ICE1: variants seen among roughly 807,000 people sequenced by gnomAD.
ICE1 encodes interactor of little elongation complex ELL subunit 1, also known as little elongation complex subunit 1.
Under a neutral mutation model 192.7 loss-of-function variants are expected in ICE1, and 64 were observed. The ratio of observed to expected loss-of-function variants is 0.33; its 90% CI spans 0.27 to 0.41. ICE1 has a LOEUF of 0.41. Among genes scored for constraint, ICE1 ranks in the 10% least tolerant of loss-of-function variants. The pLI is 1.00. For synonymous variants in ICE1, 1,010 were observed against 984.5 expected (o/e 1.03, Z -0.49); for missense variants, 2,708 against 2,696.0 (o/e 1.00, Z -0.10).
At chr5:5,439,952 A>G in intron 4 of ICE1, 39 bp downstream of exon 4, 5 of 1,440,974 alleles carry the variant, frequency 3.5e-6, no homozygotes, top group Non-Finnish European at 4.7e-6. Flanking sequence ...TACCACCTAT[A>G]TGAGTAGTTG....
chr5:5,461,888 T>C lies in ICE1; in HGVS notation c.2554T>C (p.Ser852Pro), dbSNP rs1351265003. 6.2e-7 allele frequency: 1 copy of C among 1,613,894 alleles called. No homozygotes were observed. The highest frequency in any genetic ancestry group is 8.5e-7 in the Non-Finnish European group (1 of 1,179,896). The stretch of plus-strand genomic sequence containing the variant: ...TCCTGTAGAATTCAAGACCACTGCA[T>C]CGGTGTTGCCTAATCAAGTATCAGT... ...NNPVEFKTTA[S>P]VLPNQVSVIT... is the part of the protein sequence containing the mutation. Residue 852 changes from serine to proline, a missense_variant, in exon 13 of 19, where the codon TCG (serine) becomes CCG (proline). Coordinates refer to ENST00000296564, the MANE Select transcript of ICE1 (RefSeq NM_015325.3).
rs1561104406 is a variant in ICE1, at chr5:5,489,736, C to T, written c.*406C>T. The T allele has an allele frequency of 6.5e-6, 1 of 154,220 alleles. No individual in the cohort carries two copies. Among genetic ancestry groups the T allele is most frequent in the Non-Finnish European group, 1.4e-5 (1 of 69,584 alleles). 9.6% of individuals were successfully genotyped at this position (154,220 alleles called of 1,614,324 possible). A position where few individuals can be genotyped will look rare whatever the true frequency, so the allele number is the denominator to read the frequency against. ...AGCTGTTGTTGTTGGACTTGTGTTC[C>T]AATGAGTGACTAGGAAAAAATAAAT... is the stretch of plus-strand genomic sequence containing the variant. On this transcript the variant is annotated 3_prime_UTR_variant, in exon 19 of 19. Transcript: ENST00000296564.
chr5:5,439,605 C>T (rs1218724119), intron 3 of ICE1, among the ~76,000 whole-genome samples: 1 of 152,126 alleles, frequency 6.6e-6, no homozygotes, highest in Admixed American at 6.5e-5. Context: ...CTATTAGTTG[C>T]ATATTGCTTT....
intron 8 of ICE1, 75 bp from the exon 9 acceptor site, chr5:5,447,646 A>T (rs1738273579): frequency 7.0e-7 from 1 of 1,429,490 alleles, no homozygotes; most frequent in Non-Finnish European, 9.6e-7. Flanking sequence ...GTTAAGTTGC[A>T]CCTGTTTTAC....
In ICE1 at chr5:5,463,031, G is replaced by A. The variant is rs1177789338; in HGVS notation, c.3697G>A (p.Glu1233Lys). ...PCEEETLGTC[E>K]EWIESEEDDY... ...TGAGGAAGAAACACTTGGAACCTGT[G>A]AAGAGTGGATTGAATCAGAGGAAGA... The change falls in exon 13 of 19, where the codon GAA becomes AAA. Residue 1233 changes from glutamate (E) to lysine (K), a missense_variant. Transcript: ENST00000296564. 6.2e-7 allele frequency: 1 copy of A among 1,613,876 alleles called. No individual in the cohort carries two copies. The highest frequency in any genetic ancestry group is 8.5e-7 in the Non-Finnish European group (1 of 1,179,860).
In ICE1 at chr5:5,447,415, T is replaced by C; in HGVS notation, c.425-12T>C. The C allele has an allele frequency of 2.0e-6, 3 of 1,536,442 alleles. No homozygotes were observed. Among genetic ancestry groups the C allele is most frequent in the Admixed American group, 2.0e-5 (1 of 49,880 alleles). Reference sequence around the variant, plus strand: ...TTATTTTTCTCTCCCTATTGCTTCATTGGACTTAAAGAGGCTGCTGTCAAG... The same window carrying C: ...TTATTTTTCTCTCCCTATTGCTTCACTGGACTTAAAGAGGCTGCTGTCAAG... On this transcript the variant is annotated splice_polypyrimidine_tract_variant and intron_variant, in intron 7 of 18. Transcript: ENST00000296564.
At position 5,457,436 on chromosome 5, in the gene ICE1, C is replaced by A. The variant is rs1342966516; in HGVS notation, c.796C>A (p.Leu266Ile). 1.9e-6 allele frequency: 3 copies of A among 1,613,796 alleles called. No homozygotes were observed. The highest frequency in any genetic ancestry group is 2.5e-6 in the Non-Finnish European group (3 of 1,179,822). ...CAGGACCTCAAATGTGCAGACATGC[C>A]TCACAAAACTGTCCATGGAGATAAA... ...PLRTSNVQTC[L>I]TKLSMEIKED... The change falls in exon 12 of 19, where the codon CTC (leucine) becomes ATC (isoleucine). Residue 266 changes from leucine (L) to isoleucine (I), a missense_variant. Coordinates refer to ENST00000296564, the MANE Select transcript of ICE1 (RefSeq NM_015325.3).
At position 5,462,052 on chromosome 5, in the gene ICE1, G is replaced by C; in HGVS notation, c.2718G>C (p.Gly906=). 6.2e-7 allele frequency: 1 copy of C among 1,613,976 alleles called. No homozygotes were observed. The highest frequency in any genetic ancestry group is 2.2e-5 in the East Asian group (1 of 44,882). Residue 906 remains glycine (G), a synonymous_variant, in exon 13 of 19, where the codon GGG becomes GGC. Transcript: ENST00000296564. ...TGTCAACTGTAGCAAAATGTGATGGGGAAAGAGATGATACAACACAAAACA... is the reference window on the plus strand; with the variant it reads ...TGTCAACTGTAGCAAAATGTGATGGCGAAAGAGATGATACAACACAAAACA... ...TGMSTVAKCD[G]ERDDTTQNIT... is the part of the protein sequence containing the mutation.
In ICE1 at chr5:5,463,580, C is replaced by G. The variant is rs1189172416; in HGVS notation, c.4246C>G (p.Leu1416Val). Residue 1416 changes from leucine to valine, a missense_variant, in exon 13 of 19, where the codon CTA becomes GTA. Leu to Val is a conservative substitution (Grantham distance 32). Coordinates refer to ENST00000296564, the MANE Select transcript of ICE1 (RefSeq NM_015325.3). ...INVLINKDQN[L>V]VIEKGDNWTI... ...CGTACTTATAAATAAGGATCAGAAT[C>G]TAGTCATTGAAAAGGGGGACAACTG... The G allele has an allele frequency of 6.2e-7, 1 of 1,613,868 alleles. No individual in the cohort carries two copies. The highest frequency in any genetic ancestry group is 1.3e-5 in the African/African-American group (1 of 74,930).
In ICE1 at chr5:5,463,998, G is replaced by A. The variant is rs1246538202; in HGVS notation, c.4664G>A (p.Arg1555Gln). The A allele has an allele frequency of 2.5e-6, 4 of 1,613,598 alleles. No individual in the cohort carries two copies. The highest frequency in any genetic ancestry group is 2.2e-5 in the East Asian group (1 of 44,878). ...GAGCCATCTGGCAAAAATAAGAATC[G>A]ATCAAAGATTTCAAACAAAGATCAG... ...KLEPSGKNKN[R>Q]SKISNKDQSN... The change falls in exon 13 of 19, where the codon CGA (arginine) becomes CAA (glutamine). Residue 1555 changes from arginine (R) to glutamine (Q), a missense_variant. Around this residue, in one of 2 missense-constraint regions of ICE1, gnomAD observed 2,366 missense variants for 2,276.6 expected, o/e 1.04. Coordinates refer to ENST00000296564, the MANE Select transcript of ICE1 (RefSeq NM_015325.3).
chr5:5,444,241 T>A, intron 6 of ICE1, 48 bp from the exon 7 acceptor site: 1 of 1,260,186 alleles, frequency 7.9e-7, no homozygotes, highest in Non-Finnish European at 1.1e-6. Flanking sequence ...GCATATTTTT[T>A]CCTATTCTCT....
At chr5:5,483,336 A>G (rs139703342) in intron 17 of ICE1, among the ~76,000 whole-genome samples, 275 of 152,232 alleles carry the variant, frequency 1.8e-3, no homozygotes, top group African/African-American at 6.4e-3. Flanking sequence ...TCCTATTGAG[A>G]TTTTTACTCC....
chr5:5,474,495 G>T (rs1739256549), intron 16 of ICE1, among the ~76,000 whole-genome samples: 1 of 152,160 alleles, frequency 6.6e-6, no homozygotes. Flanking sequence ...AAAGGGAAGA[G>T]AAATATTCAA....
At chr5:5,472,690 C>T (rs1240326728) in intron 15 of ICE1, among the ~76,000 whole-genome samples, 1 of 152,182 alleles carries the variant, frequency 6.6e-6, no homozygotes, top group African/African-American at 2.4e-5. Flanking sequence ...TACAGGTTCA[C>T]TTGTGGAGTC....
chr5:5,461,467 AG>A lies in ICE1; in HGVS notation c.2134del (p.Ala712HisfsTer12), dbSNP rs1410161441. The A allele has an allele frequency of 6.2e-7, 1 of 1,613,896 alleles. No homozygotes were observed. Among genetic ancestry groups the A allele is most frequent in the Non-Finnish European group, 8.5e-7 (1 of 1,179,898 alleles). On this transcript the variant is annotated frameshift_variant, in exon 13 of 19. Transcript: ENST00000296564. LOFTEE classifies it high-confidence loss of function. ...SLCALSPELG[A>X]SNFNDQKSSG... Reference sequence around the variant, plus strand: ...TGTGTGCCTTGAGCCCTGAATTGGGAGCATCTAATTTTAATGATCAGAAGAG... The same window carrying A: ...TGTGTGCCTTGAGCCCTGAATTGGGACATCTAATTTTAATGATCAGAAGAG...
At position 5,441,243 on chromosome 5, in the gene ICE1, G is replaced by T. The variant is rs1360171420; in HGVS notation, c.309+20G>T. 2.1e-6 allele frequency: 3 copies of T among 1,430,072 alleles called. No homozygotes were observed. 88.6% of individuals were successfully genotyped at this position (1,430,072 alleles called of 1,614,324 possible). On this transcript the variant is annotated intron_variant, in intron 5 of 18. Transcript: ENST00000296564. ...AAAAAGGTATGAACAATAATTTTCT[G>T]TAAAGATTTACGGTCAATAAATTAG...
In ICE1 at chr5:5,462,411, G is replaced by T. The variant is rs757231192; in HGVS notation, c.3077G>T (p.Arg1026Ile). The change falls in exon 13 of 19, where the codon AGA (arginine) becomes ATA (isoleucine). Residue 1026 changes from arginine (R) to isoleucine (I), a missense_variant. Arg to Ile is a moderately conservative substitution (Grantham distance 97, BLOSUM62 -3). This residue lies in a region of ICE1 where 2,366 missense variants were observed against 2,276.6 expected (regional missense o/e 1.04). Coordinates refer to ENST00000296564, the MANE Select transcript of ICE1 (RefSeq NM_015325.3). Reference protein sequence around the residue: ...VEETSCGDTGRSGGEALAVAN... With the variant: ...VEETSCGDTGISGGEALAVAN... ...GAAACCAGCTGTGGAGACACAGGGA[G>T]ATCTGGTGGTGAGGCCCTGGCTGTT... 6.2e-7 allele frequency: 1 copy of T among 1,614,028 alleles called. No individual in the cohort carries two copies. Among genetic ancestry groups the T allele is most frequent in the South Asian group, 1.1e-5 (1 of 91,080 alleles).
Position 5,464,053 on chromosome 5 carries a change from G to T in ICE1, c.4719G>T (p.Ser1573=), listed in dbSNP as rs376609563. 25 of 1,613,516 alleles carry T rather than the reference G, an allele frequency of 1.5e-5. No homozygotes were observed. The East Asian group carries it at 3.8e-4, about 24-fold the overall frequency. Residue 1573 remains serine (S), a synonymous_variant, in exon 13 of 19, where the codon TCG becomes TCT. Coordinates refer to ENST00000296564, the MANE Select transcript of ICE1 (RefSeq NM_015325.3). This position sits in a 1 kb window ranked among gnomAD's most constrained non-coding sequence, Gnocchi z 4.0. ...ACAAACCAGTAAAAACTTCAGCGTC[G>T]AGCAGAGTTGAAACTCATCAGAGTG... ...QSNKPVKTSA[S]SRVETHQSEV...
chr5:5,466,101 T>A (rs2111388701), intron 13 of ICE1, among the ~76,000 whole-genome samples: 1 of 152,294 alleles, frequency 6.6e-6, no homozygotes, highest in East Asian at 1.9e-4. Context: ...CTGCAGCATT[T>A]ACCAGCCATA....
Sources: allele counts gnomAD v4.1 joint callset (sites outside exome capture counted in the v4.1 genomes callset), GRCh38; gene constraint gnomAD v4.1.1; regional missense constraint gnomAD v4.1.1; non-coding constraint Gnocchi (gnomAD v3.1); transcripts MANE v1.5; gene names NCBI Gene and HGNC (gene_info 2026-07-23, HGNC 2026-07-21).